Variants in RUFY3 observed in about 807,000 individuals in gnomAD.
RUFY3 encodes the protein protein RUFY3.
In RUFY3, 34 loss-of-function variants were observed where a neutral mutation model predicts 84.0. That is an observed-to-expected ratio of 0.40 (90% CI 0.31 to 0.54). The LOEUF is 0.54. RUFY3 is among the 20% of genes least tolerant of loss of function. The pLI, the probability that RUFY3 is intolerant of heterozygous loss-of-function variation, is 0.39. For missense variants in RUFY3, 507 were observed against 736.8 expected, an observed-to-expected ratio of 0.69 and a Z score of 3.61; for synonymous variants, 242 against 252.9, an observed-to-expected ratio of 0.96 and a Z score of 0.41.
chr4:70,774,331 G>A (rs1037307881), intron 6 of RUFY3, among the ~76,000 whole-genome samples: 6 of 151,480 alleles, frequency 4.0e-5, no homozygotes, highest in East Asian at 1.9e-4. Flanking sequence ...CATTTGGGCC[G>A]GGCATGGTGG....
chr4:70,711,697 G>C (rs1017555960), intron 1 of RUFY3, among the ~76,000 whole-genome samples: 1 of 152,154 alleles, frequency 6.6e-6, no homozygotes, highest in African/African-American at 2.4e-5. Flanking sequence ...CAGAGATCTG[G>C]AGTTTAGGTG....
intron 1 of RUFY3, among the ~76,000 whole-genome samples, chr4:70,748,455 T>C (rs557029384): frequency 6.6e-6 from 1 of 152,338 alleles, no homozygotes; most frequent in African/African-American, 2.4e-5. Context: ...TGTTATCTCA[T>C]TTGAAGTACA....
At chr4:70,745,690 C>T (rs1722083614) in intron 1 of RUFY3, among the ~76,000 whole-genome samples, 1 of 152,072 alleles carries the variant, frequency 6.6e-6, no homozygotes, top group African/African-American at 2.4e-5. Flanking sequence ...GGTGTTAAGA[C>T]TTGATGCATG....
chr4:70,705,270 G>C lies in RUFY3; in HGVS notation c.334G>C (p.Gly112Arg), dbSNP rs545153165. 4.3e-5 allele frequency: 62 copies of C among 1,433,832 alleles called. No individual in the cohort carries two copies. In the South Asian group the frequency reaches 7.9e-4, roughly 18 times the overall value. 88.8% of individuals were successfully genotyped at this position (1,433,832 alleles called of 1,614,324 possible). The change falls in exon 1 of 12, where the codon GGC (glycine) becomes CGC (arginine). Residue 112 changes from glycine (G) to arginine (R), a missense_variant. Physicochemically the swap from Gly to Arg is moderately radical, Grantham distance 125. Transcript: ENST00000417478. Reference sequence around the variant, plus strand: ...GCTGAGCTACCCGAGCGGCGGCGGCGGCAGCAGCGGCAGCGGCAAGCACCG... The same window carrying C: ...GCTGAGCTACCCGAGCGGCGGCGGCCGCAGCAGCGGCAGCGGCAAGCACCG...
chr4:70,707,004 AG>A (rs1381071265), intron 1 of RUFY3, among the ~76,000 whole-genome samples: 2 of 152,244 alleles, frequency 1.3e-5, no homozygotes, highest in African/African-American at 4.8e-5. Flanking sequence ...TTATGGTACA[AG>A]GTTTGATGTA....
intron 12 of RUFY3, chr4:70,792,997 A>G (rs1432043214): frequency 1.3e-5 from 13 of 985,276 alleles, no homozygotes; most frequent in Non-Finnish European, 1.6e-5. Flanking sequence ...AAACCTACAC[A>G]TAGCATGCGT....
Position 70,762,499 on chromosome 4 carries a change from T to G in RUFY3, c.179-20T>G. 6.3e-7 allele frequency: 1 copy of G among 1,588,548 alleles called. No individual in the cohort carries two copies. Among genetic ancestry groups the G allele is most frequent in the Non-Finnish European group, 8.6e-7 (1 of 1,161,856 alleles). ...CTATTTCTAGTAACCAGCCTTCATCTTCTTCCCCTTTGGCTGCAGATCCTA... is the reference window on the plus strand; with the variant it reads ...CTATTTCTAGTAACCAGCCTTCATCGTCTTCCCCTTTGGCTGCAGATCCTA... On this transcript the variant is annotated intron_variant, in intron 1 of 17. Transcript: ENST00000381006.
intron 1 of RUFY3, among the ~76,000 whole-genome samples, chr4:70,750,013 T>A (rs1306087749): frequency 6.6e-6 from 1 of 151,842 alleles, no homozygotes; most frequent in African/African-American, 2.4e-5. Context: ...TTTTTTTTTT[T>A]TAAAGAGACA....
At chr4:70,805,132 C>A (rs1280343049) in intron 17 of RUFY3, among the ~76,000 whole-genome samples, 1 of 152,176 alleles carries the variant, frequency 6.6e-6, no homozygotes, top group African/African-American at 2.4e-5. Flanking sequence ...ACATCTAATG[C>A]TAACTACATT....
intron 1 of RUFY3, among the ~76,000 whole-genome samples, chr4:70,726,670 C>T (rs1191224084): frequency 6.6e-6 from 1 of 152,250 alleles, no homozygotes; most frequent in Non-Finnish European, 1.5e-5. Flanking sequence ...CCGTGCCCCG[C>T]CCATTACTCT....
chr4:70,739,772 T>C (rs894381514), intron 1 of RUFY3, among the ~76,000 whole-genome samples: 2 of 146,574 alleles, frequency 1.4e-5, no homozygotes, highest in Non-Finnish European at 3.0e-5. Flanking sequence ...AAAAAAGAAG[T>C]ACAAGAGGGG....
Position 70,745,208 on chromosome 4 carries a change from T to G in RUFY3, c.179-17311T>G, listed in dbSNP as rs12651455. Among the ~76,000 whole-genome samples, 90 of 152,304 alleles carry G rather than the reference T, an allele frequency of 5.9e-4. 1 individual carries two copies. The East Asian group carries it at 0.017, about 29-fold the overall frequency. ...GTCCACCCGCCTTGGCCTCCCAAAG[T>G]GCTGGGATTACAAGTGTGAGCCACC... On this transcript the variant is annotated intron_variant, in intron 1 of 17. Transcript: ENST00000381006.
upstream of RUFY3, among the ~76,000 whole-genome samples, chr4:70,720,330 C>T (rs1560443857): frequency 6.6e-6 from 1 of 152,054 alleles, no homozygotes; most frequent in African/African-American, 2.4e-5. Context: ...ATTACAGGCA[C>T]ATGCCACCAC....
intron 12 of RUFY3, 101 bp downstream of exon 12, chr4:70,789,693 C>T (rs1730500966): frequency 7.0e-7 from 1 of 1,422,656 alleles, no homozygotes; most frequent in East Asian, 2.7e-5. Context: ...TGAAATTCTT[C>T]CAAATTAGCA....
At chr4:70,783,861 G>A (rs755278256) in intron 9 of RUFY3, among the ~76,000 whole-genome samples, 127 of 152,034 alleles carry the variant, frequency 8.4e-4, no homozygotes, top group Non-Finnish European at 3.1e-4. Flanking sequence ...TGTCTTTTAC[G>A]TATTCAATAG....
intron 1 of RUFY3, among the ~76,000 whole-genome samples, chr4:70,751,412 A>G (rs766592339): frequency 6.6e-6 from 1 of 152,204 alleles, no homozygotes; most frequent in Non-Finnish European, 1.5e-5. Flanking sequence ...CCAGTTTTCC[A>G]CATTCTTGCT....
chr4:70,738,519 C>A (rs1056308954), intron 1 of RUFY3, among the ~76,000 whole-genome samples: 3 of 151,234 alleles, frequency 2.0e-5, no homozygotes, highest in African/African-American at 7.3e-5. Flanking sequence ...TGCGCCACCA[C>A]GCCCGGCTAA....
chr4:70,725,444 C>T (rs947246462), intron 1 of RUFY3, among the ~76,000 whole-genome samples: 3 of 151,910 alleles, frequency 2.0e-5, no homozygotes, highest in Non-Finnish European at 4.4e-5. Flanking sequence ...GATTCTCCTG[C>T]CTCAGCCTCC....
chr4:70,733,653 A>G (rs1041529930), intron 1 of RUFY3, among the ~76,000 whole-genome samples: 13 of 152,218 alleles, frequency 8.5e-5, no homozygotes, highest in Non-Finnish European at 1.8e-4. Flanking sequence ...ATTATTGTGG[A>G]ACAATATTTG....
Sources: allele counts gnomAD v4.1 joint callset (sites outside exome capture counted in the v4.1 genomes callset), GRCh38; gene constraint gnomAD v4.1.1; transcripts MANE v1.5; gene names NCBI Gene and HGNC (gene_info 2026-07-23, HGNC 2026-07-21).